Variants in ARHGEF28 observed in about 807,000 individuals in gnomAD.
ARHGEF28 encodes Rho guanine nucleotide exchange factor 28.
In ARHGEF28, 152 loss-of-function variants were observed where a neutral mutation model predicts 206.6. The observed-to-expected ratio is 0.74, with a 90% confidence interval of 0.64 to 0.84. ARHGEF28 has a LOEUF of 0.84. ARHGEF28 is among the 40% of genes least tolerant of loss of function. ARHGEF28 has a pLI of 0.00. For missense variants in ARHGEF28, 2,028 were observed against 2,073.2 expected (o/e 0.98, Z 0.42); for synonymous variants, 763 against 776.4 (o/e 0.98, Z 0.29).
intron 16 of ARHGEF28, among the ~76,000 whole-genome samples, chr5:73,861,138 T>G (rs1459405841): frequency 2.0e-5 from 3 of 151,890 alleles, no homozygotes; most frequent in African/African-American, 7.2e-5. Flanking sequence ...TTTAGGGCCC[T>G]AATCACACGA....
intron 16 of ARHGEF28, among the ~76,000 whole-genome samples, chr5:73,861,225 A>C (rs1201269145): frequency 1.3e-5 from 2 of 152,222 alleles, no homozygotes; most frequent in Non-Finnish European, 2.9e-5. Context: ...GCTCACTGAA[A>C]GGGAAACTTT....
At chr5:73,740,702 T>G (rs1751328466) in intron 2 of ARHGEF28, among the ~76,000 whole-genome samples, 2 of 152,212 alleles carry the variant, frequency 1.3e-5, no homozygotes, top group African/African-American at 4.8e-5. Flanking sequence ...TTTGCATCCC[T>G]TTGGCATCCT....
Position 73,749,806 on chromosome 5 carries a change from C to A in ARHGEF28, c.34-31C>A, listed in dbSNP as rs143148259. 3.7e-6 allele frequency: 6 copies of A among 1,611,506 alleles called. No individual in the cohort carries two copies. The East Asian group carries it at 8.9e-5, about 24-fold the overall frequency. ...TTTCTTAGAGCCAGGACAAGGAAGT[C>A]TGACAATGCCCCGACTTATTCCTTT... is the stretch of plus-strand genomic sequence containing the variant. On this transcript the variant is annotated intron_variant, in intron 2 of 35. Coordinates refer to ENST00000513042, the MANE Select transcript of ARHGEF28 (RefSeq NM_001177693.2).
At chr5:73,707,222 C>T (rs1580508952) in intron 2 of ARHGEF28, among the ~76,000 whole-genome samples, 2 of 152,306 alleles carry the variant, frequency 1.3e-5, no homozygotes, top group African/African-American at 4.8e-5. Flanking sequence ...CCTGGCTCTT[C>T]CTGGCTGGTC....
At chr5:73,868,922 C>T (rs1415891182) in intron 20 of ARHGEF28, among the ~76,000 whole-genome samples, 20 of 152,198 alleles carry the variant, frequency 1.3e-4, no homozygotes, top group African/African-American at 2.4e-5. Context: ...GCCGGGATTA[C>T]AGGCATGAGC....
In ARHGEF28 at chr5:73,716,917, C is replaced by G. The variant is rs558832890; in HGVS notation, c.33+32033C>G. Among the ~76,000 whole-genome samples, 10 of 152,114 alleles carry G rather than the reference C, an allele frequency of 6.6e-5. No individual in the cohort carries two copies. The South Asian group carries it at 2.1e-3, about 32-fold the overall frequency. On this transcript the variant is annotated intron_variant, in intron 2 of 35. Coordinates refer to ENST00000513042, the MANE Select transcript of ARHGEF28 (RefSeq NM_001177693.2). ...GTAAGTCTTGTTACTAAGAGATGCT[C>G]TATGCCTCCTGTGCTTGGAATTTCT...
intron 11 of ARHGEF28, among the ~76,000 whole-genome samples, chr5:73,843,240 T>C (rs1758100721): frequency 6.6e-6 from 1 of 152,124 alleles, no homozygotes; most frequent in Non-Finnish European, 1.5e-5. Context: ...TTAGACAAAA[T>C]ATCTGTTTTG....
At chr5:73,773,418 G>A (rs998295980) in intron 4 of ARHGEF28, among the ~76,000 whole-genome samples, 3 of 152,162 alleles carry the variant, frequency 2.0e-5, no homozygotes, top group African/African-American at 4.8e-5. Context: ...AGGACAAAGG[G>A]TGGAAACGGA....
At chr5:73,858,266 C>T (rs748365226) in intron 16 of ARHGEF28, 47 bp downstream of exon 16, 1 of 1,525,458 alleles carries the variant, frequency 6.6e-7, no homozygotes, top group Non-Finnish European at 8.8e-7. Context: ...CATCTCCTGA[C>T]AGTAACCTTG....
intron 9 of ARHGEF28, among the ~76,000 whole-genome samples, chr5:73,801,852 G>A (rs931421912): frequency 6.6e-6 from 1 of 152,150 alleles, no homozygotes; most frequent in African/African-American, 2.4e-5. Flanking sequence ...GGAAGGCAAA[G>A]TTATTTGTAT....
At chr5:73,783,345 AGTGTGTGTGTGTGTGTGTGTGT>A (rs57320048) in intron 7 of ARHGEF28, among the ~76,000 whole-genome samples, 5 of 145,812 alleles carry the variant, frequency 3.4e-5, no homozygotes, top group Admixed American at 6.8e-5. Flanking sequence ...CCTGGAATAT[AGTGTGTGTGTGTGTGTGTGTGT>A]GTGTGTGTGT....
chr5:73,850,262 T>C (rs994840017), intron 13 of ARHGEF28, among the ~76,000 whole-genome samples: 4 of 152,032 alleles, frequency 2.6e-5, no homozygotes, highest in African/African-American at 4.8e-5. Flanking sequence ...TTTGTTTTCC[T>C]TTTTCTGGGA....
At chr5:73,856,105 TC>T (rs1180222591) in intron 14 of ARHGEF28, among the ~76,000 whole-genome samples, 2 of 149,320 alleles carry the variant, frequency 1.3e-5, no homozygotes, top group Admixed American at 6.8e-5. Context: ...ATGTATTTTT[TC>T]CCCCAATTTT....
At chr5:73,814,389 G>C (rs1756049348) in intron 9 of ARHGEF28, among the ~76,000 whole-genome samples, 1 of 152,036 alleles carries the variant, frequency 6.6e-6, no homozygotes, top group Non-Finnish European at 1.5e-5. Context: ...ATCCATTCTT[G>C]TTGTAGTGTG....
chr5:73,869,229 G>GGGC (rs1554072950), intron 20 of ARHGEF28, among the ~76,000 whole-genome samples: 3 of 125,516 alleles, frequency 2.4e-5, no homozygotes, highest in Non-Finnish European at 3.3e-5. Flanking sequence ...GGGTGGAGGG[G>GGGC]GGTGGGGAAG....
chr5:73,809,811 G>A (rs1343614702), intron 9 of ARHGEF28, among the ~76,000 whole-genome samples: 3 of 152,240 alleles, frequency 2.0e-5, no homozygotes, highest in East Asian at 1.9e-4. Context: ...ACATTCAGGC[G>A]AATGTATCTT....
intron 1 of ARHGEF28, among the ~76,000 whole-genome samples, chr5:73,630,991 G>C (rs1450962335): frequency 3.3e-5 from 5 of 152,200 alleles, no homozygotes; most frequent in Non-Finnish European, 7.3e-5. Context: ...ATGACTTGGA[G>C]TTATCTTCCT....
rs1758366199 is a variant in ARHGEF28, at chr5:73,846,412, T to C, written c.1572T>C (p.Thr524=). The change falls in exon 12 of 36, where the codon ACT becomes ACC. Residue 524 remains threonine, a synonymous_variant. Coordinates refer to ENST00000513042, the MANE Select transcript of ARHGEF28 (RefSeq NM_001177693.2). ...AATTGGACTCTTTTGAGACTAACAC[T>C]GAACCGGATTTTAATATCTCCAGGG... ...GDELDSFETN[T]EPDFNISRAE... 6.2e-7 allele frequency: 1 copy of C among 1,613,992 alleles called. No individual in the cohort carries two copies. The highest frequency in any genetic ancestry group is 8.5e-7 in the Non-Finnish European group (1 of 1,179,870).
At chr5:73,799,515 A>G (rs891002071) in intron 9 of ARHGEF28, among the ~76,000 whole-genome samples, 1 of 152,186 alleles carries the variant, frequency 6.6e-6, no homozygotes, top group African/African-American at 2.4e-5. Flanking sequence ...CTCCTGGAAC[A>G]TGATGCTCCT....
Sources: gnomAD v4.1 joint callset for allele counts (sites outside exome capture counted in the v4.1 genomes callset) on GRCh38, gnomAD v4.1.1 for gene constraint, MANE v1.5 for transcripts, NCBI Gene and HGNC (gene_info 2026-07-23, HGNC 2026-07-21) for gene names.